Variants in BCCIP observed in about 807,000 individuals in gnomAD.
The protein encoded by BCCIP is BRCA2 and CDKN1A interacting protein, also known as BRCA2 and CDKN1A-interacting protein.
A neutral mutation model predicts 32.8 loss-of-function variants in BCCIP; 23 were observed. The ratio of observed to expected loss-of-function variants is 0.70; its 90% CI spans 0.51 to 0.99. The LOEUF (loss-of-function observed/expected upper bound fraction) is 0.99, where lower values mean the gene tolerates loss of function less well. BCCIP is among the 50% of genes least tolerant of loss of function. The pLI is 0.00. For synonymous variants in BCCIP, 144 were observed against 137.6 expected (o/e 1.05, Z -0.33); for missense variants, 378 against 379.8 (o/e 1.00, Z 0.04).
At chr10:125,841,427 G>A (rs577424155), downstream of BCCIP, 8 of 1,578,318 alleles carry the variant, frequency 5.1e-6, no homozygotes, top group Non-Finnish European at 6.9e-6. Flanking sequence ...AACATTATTT[G>A]GGGAAAAACA....
downstream of BCCIP, chr10:125,838,329 G>A: frequency 1.2e-6 from 2 of 1,613,656 alleles, no homozygotes; most frequent in Non-Finnish European, 1.7e-6. Flanking sequence ...ATGCAGCTGA[G>A]CAACCTGCTT....
Position 125,836,461 on chromosome 10 carries a change from G to A in BCCIP, c.*187G>A, listed in dbSNP as rs1854688180. 7.1e-7 allele frequency: 1 copy of A among 1,404,220 alleles called. No individual in the cohort carries two copies. The highest frequency in any genetic ancestry group is 3.2e-5 in the Admixed American group (1 of 31,392). 87.0% of individuals were successfully genotyped at this position (1,404,220 alleles called of 1,614,324 possible). ...TAAAATTTTGGTCAAATTATGAGTG[G>A]TTGATTTAAAAACTTTTCCAAGAAG... is the stretch of plus-strand genomic sequence containing the variant. On this transcript the variant is annotated 3_prime_UTR_variant, in exon 7 of 7. Transcript: ENST00000278100.
Position 125,823,641 on chromosome 10 carries a change from G to A in BCCIP, c.84G>A (p.Glu28=). The A allele has an allele frequency of 6.2e-7, 1 of 1,614,148 alleles. No individual in the cohort carries two copies. Among genetic ancestry groups the A allele is most frequent in the African/African-American group, 1.3e-5 (1 of 75,050 alleles). Residue 28 remains glutamate, a synonymous_variant, in exon 1 of 7, where the codon GAG becomes GAA. Transcript: ENST00000278100. The part of the protein sequence containing the change: ...PDPPVQRDEE[E]EKEVENEDED... ...CCCCAGTCCAGCGCGACGAGGAAGA[G>A]GAAAAAGAAGTCGAAAATGAGGATG...
intron 1 of BCCIP, among the ~76,000 whole-genome samples, chr10:125,825,215 C>T (rs983440013): frequency 1.4e-5 from 1 of 71,072 alleles, no homozygotes. Flanking sequence ...GTGACTGTTC[C>T]TGCTGAAGCC....
chr10:125,824,183 G>T (rs1454243146), intron 1 of BCCIP, among the ~76,000 whole-genome samples: 1 of 152,150 alleles, frequency 6.6e-6, no homozygotes, highest in African/African-American at 2.4e-5. Context: ...TCTTTATCCT[G>T]CAGTTTTCCC....
rs1435006820 is a variant in BCCIP at position 125,832,369 on chromosome 10, A to G, written c.599+762A>G. 5.3e-5 allele frequency among the ~76,000 whole-genome samples: 8 copies of G among 152,218 alleles called. No homozygotes were observed. In the East Asian group the frequency reaches 1.4e-3, roughly 26 times the overall value. On this transcript the variant is annotated intron_variant, in intron 5 of 6. Coordinates refer to ENST00000278100, the MANE Select transcript of BCCIP (RefSeq NM_078468.3). ...GGTTCTTTATAGAATATTCTTTCTC[A>G]GAGGTCATAGCCCTTGCGTTGTGGT...
rs1384988927 is a variant in BCCIP, at chr10:125,823,749, G to C, written c.165+27G>C. On this transcript the variant is annotated intron_variant, in intron 1 of 6. Coordinates refer to ENST00000278100, the MANE Select transcript of BCCIP (RefSeq NM_078468.3). ...TGAGAAGGACACGCTCCCCTAGTTG[G>C]TTTATACCTGAGAAAAACTTTTTGG... 5 of 1,609,820 alleles carry C rather than the reference G, an allele frequency of 3.1e-6. No homozygotes were observed. The South Asian group carries it at 4.4e-5, about 14-fold the overall frequency.
At chr10:125,839,032 T>A (rs561536636), downstream of BCCIP, 5 of 1,614,118 alleles carry the variant, frequency 3.1e-6, no homozygotes, top group South Asian at 4.4e-5. Flanking sequence ...AAGAGCTTTC[T>A]TTATGTTTAG....
downstream of BCCIP, among the ~76,000 whole-genome samples, chr10:125,846,004 A>G (rs541462396): frequency 6.6e-6 from 1 of 152,348 alleles, no homozygotes; most frequent in South Asian, 2.1e-4. Flanking sequence ...CCCAGGCCTC[A>G]GAAAGGACTA....
At chr10:125,841,317 G>A (rs766335318), downstream of BCCIP, 11 of 1,613,970 alleles carry the variant, frequency 6.8e-6, no homozygotes, top group Admixed American at 8.3e-5. Context: ...AACCAGTTCC[G>A]ATACAGCACA....
At chr10:125,823,974 G>T (rs531762531) in intron 1 of BCCIP, among the ~76,000 whole-genome samples, 25 of 152,296 alleles carry the variant, frequency 1.6e-4, no homozygotes, top group African/African-American at 5.5e-4. Flanking sequence ...GCCACAACAG[G>T]TGTGTTCTTC....
At position 125,823,592 on chromosome 10, in the gene BCCIP, GT is replaced by G. The variant is rs1400072496; in HGVS notation, c.36del (p.Ser12ArgfsTer46). The G allele has an allele frequency of 5.6e-6, 9 of 1,613,966 alleles. No homozygotes were observed. The highest frequency in any genetic ancestry group is 7.6e-6 in the Non-Finnish European group (9 of 1,179,976). ...ASRSKRRAVE[S>X]GVPQPPDPPV... is the part of the protein sequence containing the mutation. The stretch of plus-strand genomic sequence containing the variant: ...AGGTCTAAGCGGCGTGCCGTGGAAA[GT>G]GGGGTTCCGCAGCCGCCGGATCCCC... On this transcript the variant is annotated frameshift_variant, in exon 1 of 7. Coordinates refer to ENST00000278100, the MANE Select transcript of BCCIP (RefSeq NM_078468.3). LOFTEE classifies it high-confidence loss of function.
chr10:125,836,505 T>C lies in BCCIP; in HGVS notation c.*231T>C, dbSNP rs1854690198. On this transcript the variant is annotated 3_prime_UTR_variant, in exon 7 of 7. Transcript: ENST00000278100. ...CAAGAAGAAGAAAAGCATGGAGTAGTAATTTAAAGAACTCAATAAAAACTT... is the reference window on the plus strand; with the variant it reads ...CAAGAAGAAGAAAAGCATGGAGTAGCAATTTAAAGAACTCAATAAAAACTT... 2.2e-5 allele frequency: 30 copies of C among 1,358,724 alleles called. No individual in the cohort carries two copies. Among genetic ancestry groups the C allele is most frequent in the Admixed American group, 3.2e-5 (1 of 30,968 alleles). 84.2% of individuals were successfully genotyped at this position (1,358,724 alleles called of 1,614,324 possible).
At chr10:125,841,355 A>G, downstream of BCCIP, 4 of 1,614,096 alleles carry the variant, frequency 2.5e-6, no homozygotes, top group Non-Finnish European at 3.4e-6. Flanking sequence ...CCAGTATTAG[A>G]ATAAATTAAA....
At chr10:125,827,070 C>T (rs1854411216) in intron 2 of BCCIP, among the ~76,000 whole-genome samples, 1 of 149,828 alleles carries the variant, frequency 6.7e-6, no homozygotes, top group African/African-American at 2.4e-5. Flanking sequence ...CATTTCTATC[C>T]TCTCCACCTT....
At chr10:125,840,189 T>G (rs1443250944), downstream of BCCIP, among the ~76,000 whole-genome samples, 2 of 152,242 alleles carry the variant, frequency 1.3e-5, no homozygotes, top group African/African-American at 4.8e-5. Flanking sequence ...TTGCCCTGTT[T>G]GCCCCCTCCT....
chr10:125,843,441 TCAACTAAAAAAATA>T (rs1165969886), downstream of BCCIP, among the ~76,000 whole-genome samples: 2 of 151,902 alleles, frequency 1.3e-5, no homozygotes, highest in Non-Finnish European at 2.9e-5. Context: ...AAACCCCGTC[TCAACTAAAAAAATA>T]CAAAAAATTA....
At chr10:125,853,329 G>A (rs1944116451) in exon 8 of BCCIP, 3 of 736,858 alleles carry the variant, frequency 4.1e-6, no homozygotes, top group Non-Finnish European at 4.0e-6. Flanking sequence ...GTCAATATTT[G>A]TTAGTTTCGT....
chr10:125,843,758 G>T (rs146043002), downstream of BCCIP, among the ~76,000 whole-genome samples: 7 of 152,226 alleles, frequency 4.6e-5, no homozygotes, highest in African/African-American at 1.4e-4. Context: ...CTCCAGTCCT[G>T]CTGGAGGACA....
Sources: allele counts gnomAD v4.1 joint callset (sites outside exome capture counted in the v4.1 genomes callset), GRCh38; gene constraint gnomAD v4.1.1; transcripts MANE v1.5; gene names NCBI Gene and HGNC (gene_info 2026-07-23, HGNC 2026-07-21).